The following ECT2L variants were observed in gnomAD, a reference collection of about 807,000 sequenced individuals.
ECT2L encodes epithelial cell transforming 2 like, also known as epithelial cell-transforming sequence 2 oncogene-like.
In ECT2L, 126 loss-of-function variants were observed where a neutral mutation model predicts 122.8. That is an observed-to-expected ratio of 1.03 (90% CI 0.89 to 1.19). The LOEUF (loss-of-function observed/expected upper bound fraction) is 1.19. Ranked by LOEUF, ECT2L falls within the 50% of genes most tolerant of loss-of-function variation. ECT2L has a pLI of 0.00. For synonymous variants in ECT2L, 385 were observed against 381.8 expected, an observed-to-expected ratio of 1.01 and a Z score of -0.10; for missense variants, 1,012 against 1,064.1, an observed-to-expected ratio of 0.95 and a Z score of 0.68.
At chr6:138,833,326 G>A (rs934310565) in intron 4 of ECT2L, among the ~76,000 whole-genome samples, 1 of 152,122 alleles carries the variant, frequency 6.6e-6, no homozygotes, top group Non-Finnish European at 1.5e-5. Flanking sequence ...GTTTCCCCCA[G>A]CTTTTGCTAC....
In ECT2L at chr6:138,901,010, G is replaced by C; in HGVS notation, c.2477G>C (p.Ser826Thr). The C allele has an allele frequency of 6.2e-7, 1 of 1,614,132 alleles. No individual in the cohort carries two copies. The highest frequency in any genetic ancestry group is 8.5e-7 in the Non-Finnish European group (1 of 1,180,028). ...FLFNDALLVS[S>T]RGTSHTPFER... ...TTCAATGATGCCCTGCTCGTTTCTA[G>C]TCGGGGCACATCTCACACTCCATTT... The change falls in exon 21 of 22, where the codon AGT becomes ACT. Residue 826 changes from serine to threonine, a missense_variant. Transcript: ENST00000541398.
intron 1 of ECT2L, among the ~76,000 whole-genome samples, chr6:138,807,926 ATAAG>A (rs1583541878): frequency 6.6e-6 from 1 of 152,180 alleles, no homozygotes; most frequent in Non-Finnish European, 1.5e-5. Context: ...TAGCTTTATA[ATAAG>A]TAAGTCCTGA....
At chr6:138,900,668 C>T (rs1403807546) in intron 20 of ECT2L, among the ~76,000 whole-genome samples, 1 of 152,184 alleles carries the variant, frequency 6.6e-6, no homozygotes, top group Non-Finnish European at 1.5e-5. Flanking sequence ...AGTCAGTGTT[C>T]ATTTTTCCCG....
At chr6:138,813,374 A>T in intron 3 of ECT2L, 34 bp downstream of exon 3, 1 of 1,523,644 alleles carries the variant, frequency 6.6e-7, no homozygotes, top group Non-Finnish European at 9.0e-7. Context: ...AACAAGTTTA[A>T]TTCGTAAGGT....
intron 1 of ECT2L, among the ~76,000 whole-genome samples, chr6:138,809,508 T>C (rs1302642344): frequency 5.9e-5 from 9 of 152,194 alleles, no homozygotes; most frequent in Non-Finnish European, 1.3e-4. Flanking sequence ...GAGATTATCA[T>C]ATAATTTTCT....
intron 9 of ECT2L, among the ~76,000 whole-genome samples, chr6:138,850,449 C>A (rs1020011102): frequency 1.3e-5 from 2 of 152,122 alleles, no homozygotes; most frequent in African/African-American, 2.4e-5. Flanking sequence ...CCGGCTGTGA[C>A]TGGCTTATGT....
chr6:138,839,429 A>G (rs1405447849), intron 5 of ECT2L, among the ~76,000 whole-genome samples: 1 of 150,112 alleles, frequency 6.7e-6, no homozygotes, highest in Non-Finnish European at 1.5e-5. Flanking sequence ...CAGTGGTGTG[A>G]TCTGGCTCAT....
intron 9 of ECT2L, 37 bp downstream of exon 9, chr6:138,849,471 CT>C (rs1777355102): frequency 1.3e-6 from 2 of 1,574,338 alleles, no homozygotes. Context: ...AACCATGGAA[CT>C]TCGCGCTGTG....
intron 4 of ECT2L, among the ~76,000 whole-genome samples, chr6:138,820,605 C>T (rs115410097): frequency 3.8e-4 from 58 of 152,194 alleles, no homozygotes; most frequent in African/African-American, 1.3e-3. Context: ...AGTCACTTCT[C>T]TGGTCATCTC....
rs200093583 is a variant in ECT2L at position 138,846,633 on chromosome 6, C to T, written c.859C>T (p.Arg287Trp). 162 of 1,610,386 alleles carry T rather than the reference C, an allele frequency of 1.0e-4. No homozygotes were observed. Among genetic ancestry groups the T allele is most frequent in the Middle Eastern group, 1.6e-4 (1 of 6,074 alleles). The part of the protein sequence containing the change: ...KNDDRSSYAL[R>W]PHFMLISSRI... ...TGATGACAGATCTTCATATGCTCTC[C>T]GGCCACACTTCATGTTAATATCATC... is the stretch of plus-strand genomic sequence containing the variant. The change falls in exon 8 of 22, where the codon CGG (arginine) becomes TGG (tryptophan). Residue 287 changes from arginine to tryptophan, a missense_variant. Physicochemically the swap from Arg to Trp is moderately radical, Grantham distance 101. Transcript: ENST00000541398.
rs72989209 is a variant in ECT2L, at chr6:138,873,515, C to T, written c.1579-2957C>T. Among the ~76,000 whole-genome samples, 265 of 152,336 alleles carry T rather than the reference C, an allele frequency of 1.7e-3. 1 individual carries two copies. Among genetic ancestry groups the T allele is most frequent in the Admixed American group, 3.7e-3 (57 of 15,296 alleles). On this transcript the variant is annotated intron_variant, in intron 13 of 21. Transcript: ENST00000541398. ...TAATTGCTTTAAAGACCCTTCCAGCCGGGAGCAGCGGCTCACGCCTGTAAT... is the reference window on the plus strand; with the variant it reads ...TAATTGCTTTAAAGACCCTTCCAGCTGGGAGCAGCGGCTCACGCCTGTAAT...
intron 4 of ECT2L, among the ~76,000 whole-genome samples, chr6:138,834,213 ACT>A (rs1776746000): frequency 1.3e-5 from 2 of 152,216 alleles, no homozygotes; most frequent in South Asian, 4.1e-4. Context: ...ACATTTTTTC[ACT>A]GTCTCCTTAC....
At chr6:138,884,534 A>G (rs1488480875) in intron 16 of ECT2L, among the ~76,000 whole-genome samples, 1 of 152,008 alleles carries the variant, frequency 6.6e-6, no homozygotes, top group Non-Finnish European at 1.5e-5. Flanking sequence ...GCTACTTGGG[A>G]GGCTGAGGCA....
intron 12 of ECT2L, 61 bp downstream of exon 12, chr6:138,865,239 A>G: frequency 6.7e-7 from 1 of 1,484,174 alleles, no homozygotes; most frequent in Non-Finnish European, 9.1e-7. Flanking sequence ...TATCCCGAGT[A>G]AATACAAGTT....
chr6:138,893,755 A>C (rs77692301), intron 20 of ECT2L, among the ~76,000 whole-genome samples: 2,897 of 152,180 alleles, frequency 0.019, 94 homozygotes, highest in East Asian at 0.16. Flanking sequence ...TCTTCATTGC[A>C]AGAATCTGGC....
At chr6:138,848,088 G>T (rs1562472538) in intron 8 of ECT2L, among the ~76,000 whole-genome samples, 1 of 152,162 alleles carries the variant, frequency 6.6e-6, no homozygotes, top group Admixed American at 6.5e-5. Flanking sequence ...TCAGTGTCAT[G>T]AGAACGGCAT....
intron 20 of ECT2L, among the ~76,000 whole-genome samples, chr6:138,896,669 G>T (rs1306056441): frequency 2.6e-5 from 4 of 152,058 alleles, no homozygotes; most frequent in African/African-American, 9.7e-5. Flanking sequence ...CTCTTTTTGA[G>T]AGAGTTTCAT....
intron 14 of ECT2L, among the ~76,000 whole-genome samples, chr6:138,880,187 C>T (rs1778595863): frequency 6.6e-6 from 1 of 152,156 alleles, no homozygotes; most frequent in Non-Finnish European, 1.5e-5. Context: ...CCTGTTCATG[C>T]TGCTGCAGTA....
chr6:138,900,448 T>C (rs1161132215), intron 20 of ECT2L, among the ~76,000 whole-genome samples: 1 of 152,222 alleles, frequency 6.6e-6, no homozygotes, highest in Admixed American at 6.5e-5. Flanking sequence ...GGTTTCACTA[T>C]GTTGGCCAGG....
Sources: gnomAD v4.1 joint callset for allele counts (sites outside exome capture counted in the v4.1 genomes callset) on GRCh38, gnomAD v4.1.1 for gene constraint, MANE v1.5 for transcripts, NCBI Gene and HGNC (gene_info 2026-07-23, HGNC 2026-07-21) for gene names.